The following ZNF34 variants were observed in gnomAD, a reference collection of about 807,000 sequenced individuals.
ZNF34 encodes the protein zinc finger protein 34.
Under a neutral mutation model 14.4 loss-of-function variants are expected in ZNF34, and 8 were observed. The ratio of observed to expected loss-of-function variants is 0.55; its 90% CI spans 0.33 to 1.00. The LOEUF is 1.00. Ranked by LOEUF, ZNF34 falls within the 50% of genes least tolerant of loss-of-function variation. The pLI is 0.03. For synonymous variants in ZNF34, 235 were observed against 247.9 expected (o/e 0.95, Z 0.49); for missense variants, 538 against 674.2 (o/e 0.80, Z 2.24).
intron 1 of ZNF34, among the ~76,000 whole-genome samples, 176 bp downstream of exon 1, chr8:144,787,103 T>G (rs1293279337): frequency 4.5e-5 from 6 of 134,076 alleles, no homozygotes; most frequent in Non-Finnish European, 7.8e-5. Context: ...CGAGGCGCAG[T>G]CCGTACTCGG....
chr8:144,780,487 G>A (rs539165154), intron 1 of ZNF34, among the ~76,000 whole-genome samples: 1 of 152,246 alleles, frequency 6.6e-6, no homozygotes, highest in East Asian at 1.9e-4. Context: ...CAGCACCACA[G>A]TCAAGAAAGA....
chr8:144,787,038 G>A (rs1586746032), intron 1 of ZNF34, among the ~76,000 whole-genome samples: 2 of 152,304 alleles, frequency 1.3e-5, no homozygotes, highest in African/African-American at 4.8e-5. Context: ...GTTGTCAGGG[G>A]CTCGAGAGCG....
intron 2 of ZNF34, 82 bp downstream of exon 2, chr8:144,780,146 G>A: frequency 3.7e-6 from 4 of 1,084,410 alleles, no homozygotes; most frequent in African/African-American, 1.6e-5. Flanking sequence ...GCAGTGAGCT[G>A]TGATCGCACC....
intron 1 of ZNF34, among the ~76,000 whole-genome samples, chr8:144,783,946 C>G (rs1212631975): frequency 6.6e-6 from 1 of 152,138 alleles, no homozygotes; most frequent in Admixed American, 6.5e-5. Context: ...GGGAGGATCA[C>G]GAGGTCAGAT....
intron 5 of ZNF34, among the ~76,000 whole-genome samples, chr8:144,776,183 G>A (rs1159288081): frequency 6.6e-6 from 1 of 151,982 alleles, no homozygotes; most frequent in East Asian, 1.9e-4. Flanking sequence ...ATGGTGGCGT[G>A]CACCTGTAGT....
Position 144,773,747 on chromosome 8 carries a change from G to A in ZNF34, c.1139C>T (p.Thr380Ile), listed in dbSNP as rs1368169388. The change falls in exon 6 of 6, where the codon ACA (threonine) becomes ATA (isoleucine). Residue 380 changes from threonine to isoleucine, a missense_variant. Transcript: ENST00000429371. The surrounding 1 kb of genome is among the most constrained non-coding windows in gnomAD (Gnocchi z 5.4). ...ATGTTGGATAAGGTTAGAACTTTGT[G>A]TAAAGCCTTTGCCACATTCCTTGCA... is the stretch of plus-strand genomic sequence containing the variant. Reference protein sequence around the residue: ...FECKECGKGFTQSSNLIQHQR... With the variant: ...FECKECGKGFIQSSNLIQHQR... 1.2e-6 allele frequency: 2 copies of A among 1,613,916 alleles called. No homozygotes were observed. Among genetic ancestry groups the A allele is most frequent in the East Asian group, 2.2e-5 (1 of 44,890 alleles).
rs1825760676 is a variant in ZNF34, at chr8:144,779,967, C to A, written c.-55+261G>T. ...GCTTTGGGAGGCTGAGGCGGGAGGACAGCTTGAGCCCAGGAATTTGAGACA... is the reference window on the plus strand; with the variant it reads ...GCTTTGGGAGGCTGAGGCGGGAGGAAAGCTTGAGCCCAGGAATTTGAGACA... On this transcript the variant is annotated intron_variant, in intron 2 of 5. Coordinates refer to ENST00000429371, the MANE Select transcript of ZNF34 (RefSeq NM_001286769.2). The surrounding 1 kb of genome is among the most constrained non-coding windows in gnomAD (Gnocchi z 4.1). Among the ~76,000 whole-genome samples, 1 of 144,832 alleles carries A rather than the reference C, an allele frequency of 6.9e-6. No individual in the cohort carries two copies. The highest frequency in any genetic ancestry group is 1.5e-5 in the Non-Finnish European group (1 of 66,870).
Position 144,780,922 on chromosome 8 carries a change from G to A in ZNF34, c.-107-642C>T, listed in dbSNP as rs535335830. 1.6e-3 allele frequency among the ~76,000 whole-genome samples: 247 copies of A among 151,266 alleles called. 1 individual carries two copies. The highest frequency in any genetic ancestry group is 3.0e-3 in the Non-Finnish European group (206 of 67,892). ...GTGGCTGAGGCGGGTGGATGGCGAGGTCAGGAGATCGAGACCATCCTGGCT... is the reference window on the plus strand; with the variant it reads ...GTGGCTGAGGCGGGTGGATGGCGAGATCAGGAGATCGAGACCATCCTGGCT... On this transcript the variant is annotated intron_variant, in intron 1 of 5. Coordinates refer to ENST00000429371, the MANE Select transcript of ZNF34 (RefSeq NM_001286769.2).
intron 5 of ZNF34, among the ~76,000 whole-genome samples, 174 bp from the exon 6 acceptor site, chr8:144,774,779 T>C (rs1447057303): frequency 1.3e-5 from 2 of 152,176 alleles, no homozygotes; most frequent in Non-Finnish European, 2.9e-5. Flanking sequence ...GGGGCCACAG[T>C]CATACAGCCC....
chr8:144,778,302 C>T (rs1825657657), intron 3 of ZNF34, 137 bp downstream of exon 3: 1 of 1,406,322 alleles, frequency 7.1e-7, no homozygotes. Flanking sequence ...CTAATACATC[C>T]CAAGGGGTGG....
intron 1 of ZNF34, among the ~76,000 whole-genome samples, chr8:144,783,857 C>G (rs1470640118): frequency 6.6e-6 from 1 of 152,134 alleles, no homozygotes. Context: ...GAAATAGTAA[C>G]GATCTAAGAT....
At chr8:144,780,813 C>T (rs1011428809) in intron 1 of ZNF34, among the ~76,000 whole-genome samples, 8 of 149,410 alleles carry the variant, frequency 5.4e-5, no homozygotes, top group Non-Finnish European at 8.9e-5. Flanking sequence ...GCAAAGAAAG[C>T]GAAAATCACT....
Position 144,777,707 on chromosome 8 carries a change from A to G in ZNF34, c.161-130T>C. The G allele has an allele frequency of 8.5e-7, 1 of 1,172,596 alleles. No individual in the cohort carries two copies. Among genetic ancestry groups the G allele is most frequent in the Non-Finnish European group, 1.2e-6 (1 of 847,150 alleles). The allele number at this position is 1,172,596 out of a possible 1,614,324, so 72.6% of individuals were successfully genotyped here. A position where few individuals can be genotyped will look rare whatever the true frequency, so the allele number is the denominator to read the frequency against. On this transcript the variant is annotated intron_variant, in intron 4 of 5. Coordinates refer to ENST00000429371, the MANE Select transcript of ZNF34 (RefSeq NM_001286769.2). The surrounding 1 kb of genome is among the most constrained non-coding windows in gnomAD (Gnocchi z 4.8). Reference sequence around the variant, plus strand: ...TGATGGAAGCCTGGACACTCTCTGGAGGGCACTGAGATTGGGCTGGGGCAG... The same window carrying G: ...TGATGGAAGCCTGGACACTCTCTGGGGGGCACTGAGATTGGGCTGGGGCAG...
chr8:144,774,360 A>C lies in ZNF34; in HGVS notation c.526T>G (p.Cys176Gly). ...TCAAAACTTTGCTCACATATATCAC[A>C]TTTGTGAGGTCTCTGATCAGGAACA... ...RPVPDQRPHK[C>G]DICEQSFEQR... Residue 176 changes from cysteine (C) to glycine (G), a missense_variant, in exon 6 of 6, where the codon TGT becomes GGT. Cys to Gly is a radical substitution (Grantham distance 159). This residue lies in a region of ZNF34 where 431 missense variants were observed against 525.7 expected (regional missense o/e 0.82). Transcript: ENST00000429371. 1.2e-6 allele frequency: 2 copies of C among 1,612,832 alleles called. No individual in the cohort carries two copies. Among genetic ancestry groups the C allele is most frequent in the Non-Finnish European group, 1.7e-6 (2 of 1,179,418 alleles).
chr8:144,784,138 T>C (rs1826077095), intron 1 of ZNF34, among the ~76,000 whole-genome samples: 1 of 146,044 alleles, frequency 6.8e-6, no homozygotes, highest in African/African-American at 2.6e-5. Flanking sequence ...CCATCGTGGG[T>C]GACAGAGCGA....
In ZNF34 at chr8:144,773,889, G is replaced by C; in HGVS notation, c.997C>G (p.Gln333Glu). The C allele has an allele frequency of 1.2e-6, 2 of 1,614,042 alleles. No individual in the cohort carries two copies. The highest frequency in any genetic ancestry group is 1.7e-6 in the Non-Finnish European group (2 of 1,180,020). The change falls in exon 6 of 6, where the codon CAG (glutamine) becomes GAG (glutamate). Residue 333 changes from glutamine (Q) to glutamate (E), a missense_variant. Physicochemically the swap from Gln to Glu is conservative, Grantham distance 29. Coordinates refer to ENST00000429371, the MANE Select transcript of ZNF34 (RefSeq NM_001286769.2). This position sits in a 1 kb window ranked among gnomAD's most constrained non-coding sequence, Gnocchi z 5.4. The stretch of plus-strand genomic sequence containing the variant: ...GGTTTCTCTCCGGTGTGGATTCTCT[G>C]GTGATAAATCAGGGAAGAGTAGGCG... Reference protein sequence around the residue: ...FSAYSSLIYHQRIHTGEKPYK... With the variant: ...FSAYSSLIYHERIHTGEKPYK...
chr8:144,779,921 G>A lies in ZNF34; in HGVS notation c.-55+307C>T, dbSNP rs909824983. 4.6e-5 allele frequency among the ~76,000 whole-genome samples: 7 copies of A among 151,746 alleles called. No individual in the cohort carries two copies. The highest frequency in any genetic ancestry group is 1.7e-4 in the African/African-American group (7 of 41,296). On this transcript the variant is annotated intron_variant, in intron 2 of 5. Transcript: ENST00000429371. This position sits in a 1 kb window ranked among gnomAD's most constrained non-coding sequence, Gnocchi z 4.1. Reference sequence around the variant, plus strand: ...ATGATAGAAGGGGCCAAGCTCGGTGGCTCACACCTGTAATCCTAGCGCTTT... The same window carrying A: ...ATGATAGAAGGGGCCAAGCTCGGTGACTCACACCTGTAATCCTAGCGCTTT...
intron 1 of ZNF34, among the ~76,000 whole-genome samples, chr8:144,787,035 G>A (rs1396153202): frequency 2.6e-5 from 4 of 152,204 alleles, no homozygotes; most frequent in East Asian, 1.9e-4. Flanking sequence ...GGAGTTGTCA[G>A]GGGCTCGAGA....
chr8:144,782,530 A>G (rs111362480), intron 1 of ZNF34, among the ~76,000 whole-genome samples: 11,648 of 151,372 alleles, frequency 0.077, 1,520 homozygotes, highest in African/African-American at 0.27. Context: ...GAAATCAGAT[A>G]CAGAATAAGA....
Sources: allele counts gnomAD v4.1 joint callset (sites outside exome capture counted in the v4.1 genomes callset), GRCh38; gene constraint gnomAD v4.1.1; regional missense constraint gnomAD v4.1.1; non-coding constraint Gnocchi (gnomAD v3.1); transcripts MANE v1.5; gene names NCBI Gene and HGNC (gene_info 2026-07-23, HGNC 2026-07-21).